The following VTA1 variants were observed in gnomAD, a reference collection of about 807,000 sequenced individuals.
VTA1 encodes the protein vesicle trafficking 1, also known as vacuolar protein sorting-associated protein VTA1 homolog.
In VTA1, 24 loss-of-function variants were observed where a neutral mutation model predicts 36.9. That is an observed-to-expected ratio of 0.65 (90% confidence interval 0.47 to 0.91). The LOEUF (loss-of-function observed/expected upper bound fraction) is 0.91. VTA1 is among the 40% of genes least tolerant of loss of function. The probability of loss-of-function intolerance (pLI) is 0.00; values close to 1 mark genes in which losing one functional copy is unlikely to be tolerated. For synonymous variants in VTA1, 142 were observed against 130.2 expected, an observed-to-expected ratio of 1.09 and a Z score of -0.62; for missense variants, 393 against 377.2, an observed-to-expected ratio of 1.04 and a Z score of -0.35.
intron 6 of VTA1, among the ~76,000 whole-genome samples, chr6:142,199,464 TTAAAA>T (rs754580926): frequency 2.0e-5 from 3 of 152,186 alleles, no homozygotes; most frequent in Admixed American, 6.5e-5. Flanking sequence ...TACAAACACT[TTAAAA>T]TAATTAATGG....
At chr6:142,148,200 T>G (rs1259325336) in intron 1 of VTA1, among the ~76,000 whole-genome samples, 2 of 152,212 alleles carry the variant, frequency 1.3e-5, no homozygotes, top group Admixed American at 1.3e-4. Context: ...TATTTAGAGT[T>G]GAGAAGTTGG....
intron 1 of VTA1, among the ~76,000 whole-genome samples, chr6:142,157,121 G>A (rs537494994): frequency 1.3e-5 from 2 of 152,276 alleles, no homozygotes; most frequent in African/African-American, 2.4e-5. Flanking sequence ...CCGAGATTGC[G>A]CCACTGCACT....
At chr6:142,178,392 AC>A (rs1205433188) in intron 4 of VTA1, among the ~76,000 whole-genome samples, 3 of 152,170 alleles carry the variant, frequency 2.0e-5, no homozygotes, top group Non-Finnish European at 4.4e-5. Flanking sequence ...TTTTAAAAAA[AC>A]ATTTTTAGGC....
intron 4 of VTA1, among the ~76,000 whole-genome samples, chr6:142,181,890 A>G (rs1208901855): frequency 6.6e-6 from 1 of 152,218 alleles, no homozygotes; most frequent in South Asian, 2.1e-4. Flanking sequence ...TGTTGAATGA[A>G]TATCAGGAAA....
At chr6:142,164,375 ACT>A (rs1774871979) in intron 1 of VTA1, among the ~76,000 whole-genome samples, 1 of 151,040 alleles carries the variant, frequency 6.6e-6, no homozygotes, top group Admixed American at 6.6e-5. Flanking sequence ...CACTTTTGGA[ACT>A]CTTTTTTTTT....
intron 1 of VTA1, among the ~76,000 whole-genome samples, chr6:142,161,261 C>A (rs1252053323): frequency 6.6e-6 from 1 of 152,062 alleles, no homozygotes; most frequent in Non-Finnish European, 1.5e-5. Flanking sequence ...ACATTCAGTT[C>A]TATTTTTTGG....
intron 2 of VTA1, among the ~76,000 whole-genome samples, chr6:142,167,341 G>A (rs1383191006): frequency 1.3e-5 from 2 of 152,142 alleles, no homozygotes; most frequent in Admixed American, 6.5e-5. Flanking sequence ...TTTTAACAAA[G>A]TCAGGGTACA....
chr6:142,207,554 C>T (rs1775817403), intron 7 of VTA1, among the ~76,000 whole-genome samples: 1 of 152,034 alleles, frequency 6.6e-6, no homozygotes, highest in Non-Finnish European at 1.5e-5. Flanking sequence ...GGACATTCAG[C>T]GCTCCAAACA....
At chr6:142,167,753 G>C (rs1038828010) in intron 2 of VTA1, among the ~76,000 whole-genome samples, 1 of 152,134 alleles carries the variant, frequency 6.6e-6, no homozygotes, top group Non-Finnish European at 1.5e-5. Flanking sequence ...AGCTGTTCTG[G>C]AGCCTATCTG....
At chr6:142,155,536 C>T (rs910253362) in intron 1 of VTA1, among the ~76,000 whole-genome samples, 3 of 152,130 alleles carry the variant, frequency 2.0e-5, no homozygotes, top group African/African-American at 7.2e-5. Context: ...GTGTGGAATA[C>T]GGAATTATTA....
At chr6:142,176,346 C>T (rs183228270) in intron 4 of VTA1, among the ~76,000 whole-genome samples, 13 of 152,210 alleles carry the variant, frequency 8.5e-5, no homozygotes, top group Admixed American at 3.3e-4. Context: ...TTTCTGCCCT[C>T]GTTGAGCTTA....
At chr6:142,147,782 A>T (rs1346972596) in intron 1 of VTA1, among the ~76,000 whole-genome samples, 3 of 152,244 alleles carry the variant, frequency 2.0e-5, no homozygotes, top group Non-Finnish European at 4.4e-5. Context: ...TGATGTGGAT[A>T]AAAGGACGAT....
Position 142,218,468 on chromosome 6 carries a change from T to C in VTA1, c.779-30T>C. 3 of 1,608,038 alleles carry C rather than the reference T, an allele frequency of 1.9e-6. No homozygotes were observed. The East Asian group carries it at 6.7e-5, about 36-fold the overall frequency. On this transcript the variant is annotated intron_variant, in intron 7 of 7. Coordinates refer to ENST00000367630, the MANE Select transcript of VTA1 (RefSeq NM_016485.5). ...TTACAGAACACTTTTTATATTCTTA[T>C]AAATATCCCAATTGTTCTTTTTCTT...
intron 1 of VTA1, among the ~76,000 whole-genome samples, chr6:142,155,308 A>G (rs930061568): frequency 2.0e-5 from 3 of 152,088 alleles, no homozygotes; most frequent in African/African-American, 2.4e-5. Context: ...CAGTTTGGGG[A>G]AACGTGTTCA....
At chr6:142,162,125 G>A (rs572458600) in intron 1 of VTA1, among the ~76,000 whole-genome samples, 1 of 152,276 alleles carries the variant, frequency 6.6e-6, no homozygotes, top group South Asian at 2.1e-4. Context: ...TTAACTATTA[G>A]TTATCTGGAT....
At chr6:142,178,941 T>C (rs1207945621) in intron 4 of VTA1, among the ~76,000 whole-genome samples, 1 of 152,042 alleles carries the variant, frequency 6.6e-6, no homozygotes, top group Non-Finnish European at 1.5e-5. Context: ...AAATAGAATC[T>C]CAAGTGGCCA....
At chr6:142,190,550 G>A (rs1461450267) in intron 5 of VTA1, among the ~76,000 whole-genome samples, 7 of 152,024 alleles carry the variant, frequency 4.6e-5, no homozygotes, top group Non-Finnish European at 7.4e-5. Flanking sequence ...TTCAGTTAAT[G>A]TGTAATAGAA....
intron 1 of VTA1, 53 bp downstream of exon 1, chr6:142,147,452 CCA>C: frequency 6.5e-7 from 1 of 1,530,076 alleles, no homozygotes; most frequent in Non-Finnish European, 8.9e-7. Context: ...ATTTTAGGGC[CCA>C]CACACCTCCC....
Position 142,170,337 on chromosome 6 carries a change from C to T in VTA1, c.336-9C>T, listed in dbSNP as rs756799543. ...TATTTAAACTAGACCGCTCTCTTTTCTCTTCCAGAAACATGATCAAGTCCT... is the reference window on the plus strand; with the variant it reads ...TATTTAAACTAGACCGCTCTCTTTTTTCTTCCAGAAACATGATCAAGTCCT... On this transcript the variant is annotated splice_polypyrimidine_tract_variant and intron_variant, in intron 3 of 7. Transcript: ENST00000367630. The T allele has an allele frequency of 3.8e-6, 6 of 1,596,976 alleles. No homozygotes were observed. The highest frequency in any genetic ancestry group is 2.2e-5 in the South Asian group (2 of 89,426).
Sources: allele counts gnomAD v4.1 joint callset (sites outside exome capture counted in the v4.1 genomes callset), GRCh38; gene constraint gnomAD v4.1.1; transcripts MANE v1.5; gene names NCBI Gene and HGNC (gene_info 2026-07-23, HGNC 2026-07-21).